The following SYBU variants were observed in gnomAD, a reference collection of about 807,000 sequenced individuals.
The protein encoded by SYBU is syntabulin, also known as GOLSYN A protein.
A neutral mutation model predicts 35.9 loss-of-function variants in SYBU; 21 were observed. The ratio of observed to expected loss-of-function variants is 0.58; its 90% CI spans 0.41 to 0.84. SYBU has a LOEUF of 0.84. Among genes scored for constraint, SYBU ranks in the 40% least tolerant of loss-of-function variants. SYBU has a pLI of 0.00. For missense variants in SYBU, 768 were observed against 848.2 expected (o/e 0.91, Z 1.17); for synonymous variants, 319 against 324.3 (o/e 0.98, Z 0.18).
chr8:109,601,181 C>T (rs1825476537), intron 3 of SYBU, among the ~76,000 whole-genome samples: 2 of 152,218 alleles, frequency 1.3e-5, no homozygotes, highest in African/African-American at 4.8e-5. Context: ...AAGAACTCTA[C>T]AGCTGCTATT....
chr8:109,642,162 G>A (rs111861437), intron 2 of SYBU, among the ~76,000 whole-genome samples: 13,159 of 152,248 alleles, frequency 0.086, 709 homozygotes, highest in South Asian at 0.24. Context: ...CAGGGACATG[G>A]ATGAAGCTGG....
Position 109,639,777 on chromosome 8 carries a change from C to T in SYBU, c.229+2951G>A, listed in dbSNP as rs534256071. Reference sequence around the variant, plus strand: ...GTGGCTGGATTAAAACGAGCGATTTCCCCCTGCTGGTTGGACATGTCTTAC... The same window carrying T: ...GTGGCTGGATTAAAACGAGCGATTTTCCCCTGCTGGTTGGACATGTCTTAC... On this transcript the variant is annotated intron_variant, in intron 2 of 6. Transcript: ENST00000276646. 6.3e-4 allele frequency among the ~76,000 whole-genome samples: 96 copies of T among 152,308 alleles called. 1 individual carries two copies. The South Asian group carries it at 7.9e-3, about 12-fold the overall frequency.
chr8:109,594,706 G>A (rs1255916729), intron 3 of SYBU, among the ~76,000 whole-genome samples: 2 of 152,010 alleles, frequency 1.3e-5, no homozygotes, highest in African/African-American at 2.4e-5. Context: ...TGTCTCGCAC[G>A]TGGCTCACTC....
At chr8:109,678,134 C>CA (rs758399888) in intron 1 of SYBU, among the ~76,000 whole-genome samples, 5,959 of 41,796 alleles carry the variant, frequency 0.14, 425 homozygotes, top group East Asian at 0.41. Flanking sequence ...AACTCCACCT[C>CA]AAAAAAAAAA....
chr8:109,678,146 A>AG (rs1444959499), intron 1 of SYBU, among the ~76,000 whole-genome samples: 1 of 148,820 alleles, frequency 6.7e-6, no homozygotes, highest in African/African-American at 2.5e-5. Context: ...AAAAAAAAAA[A>AG]AAAAAAAAAA....
rs541727173 is a variant in SYBU, at chr8:109,581,906, G to A, written c.531-1904C>T. Among the ~76,000 whole-genome samples the A allele has an allele frequency of 2.0e-5, 3 of 152,326 alleles. No homozygotes were observed. In the South Asian group the frequency reaches 6.2e-4, roughly 32 times the overall value. ...CGCCGCTCTTCTCTTCGTGAGAAGA[G>A]GACACTTTATACGGAACAGATGGGC... On this transcript the variant is annotated intron_variant, in intron 4 of 6. Transcript: ENST00000276646.
chr8:109,637,106 T>C (rs1199701520), intron 2 of SYBU, among the ~76,000 whole-genome samples: 1 of 152,198 alleles, frequency 6.6e-6, no homozygotes, highest in African/African-American at 2.4e-5. Flanking sequence ...CAGCCTTCAG[T>C]GTGCACAAGA....
At position 109,642,781 on chromosome 8, in the gene SYBU, G is replaced by T. The variant is rs1815063361; in HGVS notation, c.176C>A (p.Pro59His). The T allele has an allele frequency of 1.8e-5, 29 of 1,613,736 alleles. No homozygotes were observed. Among genetic ancestry groups the T allele is most frequent in the Non-Finnish European group, 2.2e-5 (26 of 1,179,822 alleles). The change falls in exon 2 of 7, where the codon CCC (proline) becomes CAC (histidine). Residue 59 changes from proline to histidine, a missense_variant. By Grantham distance (77) the Pro-to-His change is moderately conservative (BLOSUM62 -2). Transcript: ENST00000276646. ...FSEEESREFN[P>H]SSSGRSARTV... is the part of the protein sequence containing the mutation. ...CCTCGCTGAGCGCCCAGAGCTGCTG[G>T]GGTTGAACTCTCTGCTCTCTTCCTC...
intron 3 of SYBU, among the ~76,000 whole-genome samples, chr8:109,587,893 G>C (rs757363399): frequency 2.6e-5 from 4 of 152,184 alleles, no homozygotes; most frequent in Non-Finnish European, 5.9e-5. Flanking sequence ...GTCTAATGAT[G>C]TAATGAGCTC....
chr8:109,611,503 G>A (rs1259876936), intron 3 of SYBU, among the ~76,000 whole-genome samples: 1 of 152,154 alleles, frequency 6.6e-6, no homozygotes, highest in African/African-American at 2.4e-5. Context: ...CCCTGCTGGG[G>A]AGATGTGATA....
intron 3 of SYBU, among the ~76,000 whole-genome samples, chr8:109,592,820 C>A (rs948489779): frequency 6.6e-6 from 1 of 152,142 alleles, no homozygotes; most frequent in Non-Finnish European, 1.5e-5. Flanking sequence ...TGTATACACA[C>A]ACATTTTAAA....
intron 2 of SYBU, among the ~76,000 whole-genome samples, chr8:109,632,199 G>A (rs10103593): frequency 2.2e-4 from 34 of 152,054 alleles, no homozygotes; most frequent in African/African-American, 7.7e-4. Context: ...ACAGGCGCCC[G>A]CCACCATGCC....
chr8:109,613,058 CTCTG>C (rs1444909743), intron 3 of SYBU, among the ~76,000 whole-genome samples: 1 of 151,062 alleles, frequency 6.6e-6, no homozygotes, highest in Non-Finnish European at 1.5e-5. Flanking sequence ...TTTTAGTGGT[CTCTG>C]TCTGCTCACT....
At chr8:109,668,618 A>G (rs1188622798) in intron 1 of SYBU, among the ~76,000 whole-genome samples, 2 of 152,240 alleles carry the variant, frequency 1.3e-5, no homozygotes, top group Non-Finnish European at 2.9e-5. Flanking sequence ...TCCAACAAGA[A>G]AAATGAAACC....
At chr8:109,651,769 A>G (rs1816151643) in intron 1 of SYBU, among the ~76,000 whole-genome samples, 1 of 152,178 alleles carries the variant, frequency 6.6e-6, no homozygotes, top group African/African-American at 2.4e-5. Context: ...AATGGCTCCA[A>G]CCACCATTGC....
chr8:109,592,021 T>A (rs528654183), intron 3 of SYBU, among the ~76,000 whole-genome samples: 97 of 152,022 alleles, frequency 6.4e-4, no homozygotes, highest in African/African-American at 2.1e-3. Flanking sequence ...ATATTAAGAA[T>A]TGCTAAAAGA....
chr8:109,591,046 A>G (rs1824181417), intron 3 of SYBU, among the ~76,000 whole-genome samples: 1 of 152,224 alleles, frequency 6.6e-6, no homozygotes. Flanking sequence ...TATTCTGCAC[A>G]TAAGGATCCA....
chr8:109,631,333 G>T (rs887231914), intron 2 of SYBU, among the ~76,000 whole-genome samples: 1 of 152,176 alleles, frequency 6.6e-6, no homozygotes, highest in African/African-American at 2.4e-5. Context: ...AAGCAAAGTG[G>T]AGAGTGGAGT....
At chr8:109,601,677 T>C (rs189661734) in intron 3 of SYBU, among the ~76,000 whole-genome samples, 5 of 152,084 alleles carry the variant, frequency 3.3e-5, no homozygotes, top group Non-Finnish European at 5.9e-5. Flanking sequence ...GAATATAGTG[T>C]TGGGGGCATG....
Sources: allele counts gnomAD v4.1 joint callset (sites outside exome capture counted in the v4.1 genomes callset), GRCh38; gene constraint gnomAD v4.1.1; transcripts MANE v1.5; gene names NCBI Gene and HGNC (gene_info 2026-07-23, HGNC 2026-07-21).